The following PKHD1 variants were observed in gnomAD, a reference collection of about 807,000 sequenced individuals.
The protein encoded by PKHD1 is fibrocystin.
Under a neutral mutation model 412.0 loss-of-function variants are expected in PKHD1, and 291 were observed. That is an observed-to-expected ratio of 0.71 (90% CI 0.64 to 0.78). The LOEUF (loss-of-function observed/expected upper bound fraction) is 0.78, where lower values mean the gene tolerates loss of function less well. Among genes scored for constraint, PKHD1 ranks in the 30% least tolerant of loss-of-function variants. The probability of loss-of-function intolerance (pLI) is 0.00; values close to 1 mark genes in which losing one functional copy is unlikely to be tolerated. For missense variants in PKHD1, 4,825 were observed against 4,950.7 expected (o/e 0.97, Z 0.76); for synonymous variants, 1,777 against 1,821.5 (o/e 0.98, Z 0.62).
At chr6:51,681,994 ATCTTTC>A (rs1156419689) in intron 60 of PKHD1, among the ~76,000 whole-genome samples, 1 of 152,096 alleles carries the variant, frequency 6.6e-6, no homozygotes, top group Non-Finnish European at 1.5e-5. Context: ...ATGGAAGCTG[ATCTTTC>A]AGCTTGAGTT....
chr6:51,693,902 T>G (rs1010971164), intron 60 of PKHD1, among the ~76,000 whole-genome samples: 2 of 152,210 alleles, frequency 1.3e-5, no homozygotes, highest in Non-Finnish European at 2.9e-5. Flanking sequence ...ATATAGGGCT[T>G]AAGCATCTTT....
chr6:51,932,369 T>C (rs1479699538), intron 37 of PKHD1, among the ~76,000 whole-genome samples: 1 of 152,204 alleles, frequency 6.6e-6, no homozygotes, highest in Non-Finnish European at 1.5e-5. Context: ...TTTTTCCTCA[T>C]TTGAATTCCT....
chr6:51,628,638 A>G (rs1378250948), intron 65 of PKHD1, among the ~76,000 whole-genome samples: 2 of 152,188 alleles, frequency 1.3e-5, no homozygotes, highest in African/African-American at 4.8e-5. Context: ...AAGTTCTTTG[A>G]GAAATCTCCA....
chr6:51,644,810 G>A (rs753652842), intron 63 of PKHD1, among the ~76,000 whole-genome samples: 8 of 152,124 alleles, frequency 5.3e-5, no homozygotes, highest in Non-Finnish European at 1.0e-4. Context: ...CTCCTGAGTA[G>A]CTGGGACTTC....
At chr6:51,742,253 T>C (rs1784646792) in intron 60 of PKHD1, among the ~76,000 whole-genome samples, 2 of 152,226 alleles carry the variant, frequency 1.3e-5, no homozygotes, top group Non-Finnish European at 2.9e-5. Flanking sequence ...CGAACATTTA[T>C]TCAGCATTTC....
chr6:51,927,286 T>C (rs1785799511), intron 37 of PKHD1, among the ~76,000 whole-genome samples: 1 of 151,988 alleles, frequency 6.6e-6, no homozygotes, highest in Admixed American at 6.6e-5. Flanking sequence ...GGACTTCTGC[T>C]CCTCTAGAAC....
At chr6:51,998,086 G>A (rs567677824) in intron 35 of PKHD1, among the ~76,000 whole-genome samples, 8 of 152,272 alleles carry the variant, frequency 5.3e-5, no homozygotes, top group South Asian at 2.1e-4. Flanking sequence ...AGTTTTCAGC[G>A]GAGCAATACA....
intron 37 of PKHD1, among the ~76,000 whole-genome samples, chr6:51,920,229 T>C (rs1414621284): frequency 1.3e-5 from 2 of 152,204 alleles, no homozygotes; most frequent in Non-Finnish European, 2.9e-5. Flanking sequence ...ATGCTTCTGG[T>C]TTCTGCCCAT....
Position 51,942,062 on chromosome 6 carries a change from T to C in PKHD1, c.5909-7740A>G, listed in dbSNP as rs1023312031. Among the ~76,000 whole-genome samples, 5 of 151,730 alleles carry C rather than the reference T, an allele frequency of 3.3e-5. No homozygotes were observed. In the East Asian group the frequency reaches 5.8e-4, roughly 18 times the overall value. On this transcript the variant is annotated intron_variant, in intron 36 of 66. Coordinates refer to ENST00000371117, the MANE Select transcript of PKHD1 (RefSeq NM_138694.4). ...AGGCATGGTTGGATACTTTCGACTT[T>C]AGACACCTAGTTTTGCCATCCTAAC...
In PKHD1 at chr6:51,794,796, G is replaced by T. The variant is rs570036266; in HGVS notation, c.8303-3423C>A. Among the ~76,000 whole-genome samples, 103 of 152,210 alleles carry T rather than the reference G, an allele frequency of 6.8e-4. 2 individuals carry two copies. Among genetic ancestry groups the T allele is most frequent in the African/African-American group, 2.4e-3 (98 of 41,532 alleles). ...ACAGAATATTCTTCCCCCACTGCTT[G>T]TTTTTTGAGGTTTGTCAAAGATGAG... is the stretch of plus-strand genomic sequence containing the variant. On this transcript the variant is annotated intron_variant, in intron 52 of 66. Transcript: ENST00000371117.
intron 55 of PKHD1, among the ~76,000 whole-genome samples, chr6:51,768,100 C>G (rs910280065): frequency 2.0e-5 from 3 of 151,840 alleles, no homozygotes; most frequent in African/African-American, 7.3e-5. Context: ...TGTTTTTTGG[C>G]TGCATAAATG....
intron 60 of PKHD1, among the ~76,000 whole-genome samples, chr6:51,709,580 T>C (rs1264491094): frequency 6.6e-6 from 1 of 152,180 alleles, no homozygotes; most frequent in Admixed American, 6.5e-5. Context: ...ACTCTTTCTA[T>C]GGGAAAAAGA....
intron 35 of PKHD1, among the ~76,000 whole-genome samples, chr6:51,980,646 G>C (rs112927578): frequency 0.013 from 2,018 of 152,266 alleles, 51 homozygotes; most frequent in African/African-American, 0.047. Context: ...TCTTACAAGG[G>C]CAAAATGTGG....
intron 60 of PKHD1, among the ~76,000 whole-genome samples, chr6:51,714,847 A>G (rs891336658): frequency 2.0e-5 from 3 of 152,062 alleles, no homozygotes; most frequent in East Asian, 1.9e-4. Flanking sequence ...ATACCAGAGG[A>G]AAAAAATCAC....
intron 47 of PKHD1, 84 bp downstream of exon 47, chr6:51,870,420 T>A (rs1270273121): frequency 1.8e-6 from 2 of 1,124,728 alleles, no homozygotes; most frequent in East Asian, 4.8e-5. Context: ...GAGATAATGA[T>A]TCACAAAGTA....
chr6:51,731,742 A>G (rs1246762190), intron 60 of PKHD1, among the ~76,000 whole-genome samples: 3 of 152,172 alleles, frequency 2.0e-5, no homozygotes, highest in Non-Finnish European at 4.4e-5. Flanking sequence ...CCTCAGAACA[A>G]AGGAAGAAAA....
At chr6:51,893,032 G>A (rs571129129) in intron 43 of PKHD1, among the ~76,000 whole-genome samples, 1 of 152,088 alleles carries the variant, frequency 6.6e-6, no homozygotes, top group Non-Finnish European at 1.5e-5. Flanking sequence ...CTATATCCAC[G>A]AGCCTTGGGA....
chr6:51,973,249 C>T (rs549415106), intron 35 of PKHD1, among the ~76,000 whole-genome samples: 16 of 152,272 alleles, frequency 1.1e-4, no homozygotes, highest in East Asian at 5.8e-4. Flanking sequence ...TTTTGCAGTA[C>T]ACTTTTCTCT....
chr6:51,832,351 A>G (rs1241339506), intron 51 of PKHD1, among the ~76,000 whole-genome samples: 2 of 152,098 alleles, frequency 1.3e-5, no homozygotes, highest in Admixed American at 1.3e-4. Flanking sequence ...TGCACTGCAG[A>G]CAGAAGGATG....
Sources: gnomAD v4.1 joint callset for allele counts (sites outside exome capture counted in the v4.1 genomes callset) on GRCh38, gnomAD v4.1.1 for gene constraint, MANE v1.5 for transcripts, NCBI Gene and HGNC (gene_info 2026-07-23, HGNC 2026-07-21) for gene names.